Variants in RUNX1 observed in about 807,000 individuals in gnomAD.
The protein encoded by RUNX1 is runt-related transcription factor 1.
In RUNX1, 19 loss-of-function variants were observed where a neutral mutation model predicts 42.8. The observed-to-expected ratio is 0.44, with a 90% confidence interval of 0.31 to 0.65. The LOEUF (loss-of-function observed/expected upper bound fraction) is 0.65, where lower values mean the gene tolerates loss of function less well. Among genes scored for constraint, RUNX1 ranks in the 30% least tolerant of loss-of-function variants. The pLI is 0.07. For missense variants in RUNX1, 528 were observed against 672.0 expected (o/e 0.79, Z 2.37); for synonymous variants, 271 against 289.4 (o/e 0.94, Z 0.64).
intron 2 of RUNX1, among the ~76,000 whole-genome samples, chr21:34,943,320 GTCT>G (rs564870361): frequency 0.071 from 10,750 of 152,224 alleles, 529 homozygotes; most frequent in African/African-American, 0.12. Context: ...CTTCTTTGCT[GTCT>G]TTACCAGATG....
intron 2 of RUNX1, among the ~76,000 whole-genome samples, chr21:34,993,313 G>A (rs927998339): frequency 3.3e-5 from 5 of 152,084 alleles, no homozygotes; most frequent in Admixed American, 1.3e-4. Context: ...AAGATGTAGG[G>A]TAGAAACCAT....
At position 35,003,378 on chromosome 21, in the gene RUNX1, C is replaced by T. The variant is rs149513984; in HGVS notation, c.58+45464G>A. ...TTCGCCTGCATGTGAGTAACAAGGA[C>T]GAACGGTAATGGGAGACTCCCACAA... On this transcript the variant is annotated intron_variant, in intron 2 of 8. Transcript: ENST00000675419. Among the ~76,000 whole-genome samples the T allele has an allele frequency of 9.8e-4, 149 of 152,176 alleles. 2 individuals are homozygous for T. The highest frequency in any genetic ancestry group is 3.4e-3 in the African/African-American group (140 of 41,504).
chr21:34,921,238 T>G (rs1236357478), intron 2 of RUNX1, among the ~76,000 whole-genome samples: 1 of 152,172 alleles, frequency 6.6e-6, no homozygotes, highest in African/African-American at 2.4e-5. Context: ...CTCCAGAACA[T>G]TTTTGTCTTC....
At chr21:34,888,798 T>G in intron 3 of RUNX1, 2 of 573,764 alleles carry the variant, frequency 3.5e-6, no homozygotes, top group Non-Finnish European at 4.5e-6. Context: ...TCACAGGCCT[T>G]TCCGGTATCA....
At chr21:34,975,992 T>C (rs1411243224) in intron 2 of RUNX1, among the ~76,000 whole-genome samples, 1 of 152,164 alleles carries the variant, frequency 6.6e-6, no homozygotes, top group African/African-American at 2.4e-5. Flanking sequence ...AGAAGAAAGC[T>C]ATCAAATATT....
At chr21:35,004,074 T>C (rs987751198) in intron 2 of RUNX1, among the ~76,000 whole-genome samples, 5 of 152,196 alleles carry the variant, frequency 3.3e-5, no homozygotes, top group Non-Finnish European at 7.4e-5. Flanking sequence ...CACCATTTAC[T>C]GTTGAGAAAA....
At chr21:34,973,777 A>G (rs977951771) in intron 2 of RUNX1, among the ~76,000 whole-genome samples, 14 of 152,218 alleles carry the variant, frequency 9.2e-5, no homozygotes, top group African/African-American at 2.9e-4. Context: ...GCTTCTAAGG[A>G]ACATTTTAAT....
intron 2 of RUNX1, among the ~76,000 whole-genome samples, chr21:34,990,057 ACT>A (rs1398808457): frequency 6.6e-6 from 1 of 151,854 alleles, no homozygotes; most frequent in Non-Finnish European, 1.5e-5. Flanking sequence ...AGCTTCTATG[ACT>A]CTATCGTTCA....
At chr21:35,028,264 G>C (rs2059250643) in intron 2 of RUNX1, among the ~76,000 whole-genome samples, 1 of 152,114 alleles carries the variant, frequency 6.6e-6, no homozygotes, top group African/African-American at 2.4e-5. Flanking sequence ...TCTCAGGGTG[G>C]GTGCCGGGAA....
At chr21:35,042,059 T>C (rs2059363912) in intron 2 of RUNX1, among the ~76,000 whole-genome samples, 3 of 152,184 alleles carry the variant, frequency 2.0e-5, no homozygotes, top group Admixed American at 1.3e-4. Context: ...CAAGGTGTGG[T>C]GGCTCTGATG....
chr21:34,890,530 T>C (rs760350123), intron 3 of RUNX1, among the ~76,000 whole-genome samples: 10 of 151,924 alleles, frequency 6.6e-5, no homozygotes, highest in Non-Finnish European at 1.3e-4. Flanking sequence ...CTTGGCTATC[T>C]GTGCTTCAGG....
chr21:35,015,642 C>G (rs1413762336), intron 2 of RUNX1, among the ~76,000 whole-genome samples: 3 of 152,186 alleles, frequency 2.0e-5, no homozygotes, highest in African/African-American at 7.2e-5. Context: ...CAATGGCCTA[C>G]TAGGCATACT....
At chr21:35,006,045 T>G (rs780633673) in intron 2 of RUNX1, among the ~76,000 whole-genome samples, 1 of 152,206 alleles carries the variant, frequency 6.6e-6, no homozygotes, top group Non-Finnish European at 1.5e-5. Context: ...ACATCATTGT[T>G]GGCAGGCTCA....
intron 2 of RUNX1, among the ~76,000 whole-genome samples, chr21:35,031,443 CTGTA>C (rs2059272459): frequency 6.6e-6 from 1 of 151,800 alleles, no homozygotes; most frequent in South Asian, 2.1e-4. Flanking sequence ...TTATGGAAAA[CTGTA>C]TGGAGGTTCC....
intron 2 of RUNX1, among the ~76,000 whole-genome samples, chr21:35,036,369 T>C (rs2059308255): frequency 6.6e-6 from 1 of 152,196 alleles, no homozygotes; most frequent in Non-Finnish European, 1.5e-5. Flanking sequence ...CGTGAGAGGC[T>C]GGCCAGCCCC....
chr21:34,949,545 C>CAACA (rs1310429241), intron 2 of RUNX1, among the ~76,000 whole-genome samples: 2 of 152,242 alleles, frequency 1.3e-5, no homozygotes, highest in Non-Finnish European at 2.9e-5. Flanking sequence ...AGGATGTAAC[C>CAACA]TACCAGTGGA....
intron 4 of RUNX1, among the ~76,000 whole-genome samples, chr21:34,881,134 T>C (rs1020391803): frequency 9.2e-5 from 14 of 152,194 alleles, no homozygotes; most frequent in African/African-American, 3.4e-4. Context: ...GTCTCCTGAA[T>C]ACAAGCATCT....
At chr21:34,796,969 G>C (rs1406023947) in intron 8 of RUNX1, among the ~76,000 whole-genome samples, 1 of 152,234 alleles carries the variant, frequency 6.6e-6, no homozygotes, top group African/African-American at 2.4e-5. Flanking sequence ...GCACAAAGCT[G>C]TCGGGCTGGA....
intron 6 of RUNX1, among the ~76,000 whole-genome samples, chr21:34,846,190 A>C (rs1379343897): frequency 8.9e-6 from 1 of 111,924 alleles, no homozygotes; most frequent in African/African-American, 2.9e-5. Flanking sequence ...GGGTTTAAGG[A>C]TGTCTTTTTT....
Sources: gnomAD v4.1 joint callset for allele counts (sites outside exome capture counted in the v4.1 genomes callset) on GRCh38, gnomAD v4.1.1 for gene constraint, MANE v1.5 for transcripts, NCBI Gene and HGNC (gene_info 2026-07-23, HGNC 2026-07-21) for gene names.